The following RAB38 variants were observed in gnomAD, a reference collection of about 807,000 sequenced individuals.
RAB38 encodes the protein ras-related protein Rab-38.
A neutral mutation model predicts 18.4 loss-of-function variants in RAB38; 15 were observed. The observed-to-expected ratio is 0.82, with a 90% confidence interval of 0.55 to 1.26. The LOEUF is 1.26. Among genes scored for constraint, RAB38 ranks in the 50% most tolerant of loss-of-function variants. The probability of loss-of-function intolerance (pLI) is 0.00; values close to 1 mark genes in which losing one functional copy is unlikely to be tolerated. For synonymous variants in RAB38, 101 were observed against 104.4 expected (o/e 0.97, Z 0.20); for missense variants, 294 against 267.4 (o/e 1.10, Z -0.69).
the RAB38 span, among the ~76,000 whole-genome samples, chr11:87,925,723 G>T: frequency 2.0e-5 from 3 of 151,992 alleles, no homozygotes; most frequent in Non-Finnish European, 4.4e-5. Context: ...ATAGAAGGCA[G>T]ATGACTGCAA....
At chr11:88,130,138 G>A (rs1942749088) in intron 2 of RAB38, among the ~76,000 whole-genome samples, 2 of 152,092 alleles carry the variant, frequency 1.3e-5, no homozygotes, top group African/African-American at 4.8e-5. Context: ...AAAATTGAGT[G>A]TGGAAAAAAA....
chr11:87,808,580 A>G, the RAB38 span, among the ~76,000 whole-genome samples: 1 of 152,326 alleles, frequency 6.6e-6, no homozygotes, highest in South Asian at 2.1e-4. Flanking sequence ...TTACTCAAAG[A>G]TTACAAAATT....
At chr11:87,888,083 T>C in the RAB38 span, among the ~76,000 whole-genome samples, 95,828 of 151,626 alleles carry the variant, frequency 0.63, 32,891 homozygotes, top group Non-Finnish European at 0.77. Flanking sequence ...TTGATCTTAC[T>C]ATGTACCAAA....
At chr11:88,154,621 A>T (rs1943103168) in intron 1 of RAB38, among the ~76,000 whole-genome samples, 1 of 152,114 alleles carries the variant, frequency 6.6e-6, no homozygotes, top group Admixed American at 6.5e-5. Flanking sequence ...CCTGTGACAG[A>T]CATAGATCGT....
At chr11:87,817,687 G>T in the RAB38 span, 1 of 152,018 alleles carries the variant, frequency 6.6e-6, no homozygotes, top group Admixed American at 6.6e-5. Flanking sequence ...TTATTTTTAT[G>T]CAAAATAGAG....
chr11:88,139,712 C>T (rs956564644), intron 2 of RAB38, among the ~76,000 whole-genome samples: 2 of 152,122 alleles, frequency 1.3e-5, no homozygotes, highest in African/African-American at 4.8e-5. Context: ...TATTCTAAGC[C>T]CCTCTAGACT....
At chr11:88,124,791 C>G (rs1003166140) in intron 2 of RAB38, among the ~76,000 whole-genome samples, 2 of 152,182 alleles carry the variant, frequency 1.3e-5, no homozygotes, top group Non-Finnish European at 1.5e-5. Flanking sequence ...AGAGGAGATA[C>G]ATCAATTTGA....
chr11:88,173,627 C>T (rs1380495019), intron 1 of RAB38: 13 of 985,254 alleles, frequency 1.3e-5, no homozygotes, highest in African/African-American at 8.7e-5. Context: ...AACAGTAAGC[C>T]GTTTCTAAAT....
chr11:88,005,183 G>A, the RAB38 span, among the ~76,000 whole-genome samples: 4 of 151,188 alleles, frequency 2.6e-5, no homozygotes, highest in Non-Finnish European at 5.9e-5. Flanking sequence ...ATAACAAAAC[G>A]TTCTTGGAAA....
At chr11:87,840,150 GA>G in the RAB38 span, among the ~76,000 whole-genome samples, 1 of 152,180 alleles carries the variant, frequency 6.6e-6, no homozygotes, top group Non-Finnish European at 1.5e-5. Flanking sequence ...AAAAAGAAGA[GA>G]GGGAAGAGAA....
chr11:87,852,727 C>T, the RAB38 span, among the ~76,000 whole-genome samples: 3 of 152,244 alleles, frequency 2.0e-5, no homozygotes, highest in Non-Finnish European at 2.9e-5. Flanking sequence ...GTTTACATAT[C>T]GAGACAGTAA....
chr11:87,869,450 G>C, the RAB38 span, among the ~76,000 whole-genome samples: 1 of 151,578 alleles, frequency 6.6e-6, no homozygotes, highest in Admixed American at 6.6e-5. Flanking sequence ...TTACTGCTCT[G>C]CTTACTCTAC....
the RAB38 span, among the ~76,000 whole-genome samples, chr11:87,842,816 G>GCACACACA: frequency 6.8e-6 from 1 of 147,350 alleles, no homozygotes; most frequent in African/African-American, 2.5e-5. Context: ...ACACGCGCGC[G>GCACACACA]CACACACACA....
Position 88,142,814 on chromosome 11 carries a change from G to A in RAB38, c.483+6861C>T, listed in dbSNP as rs926927450. On this transcript the variant is annotated intron_variant, in intron 2 of 2. Coordinates refer to ENST00000243662, the MANE Select transcript of RAB38 (RefSeq NM_022337.3). ...GAAAAAGATAGGTAGTTCTGACAAC[G>A]GCTAGACGAAAAGTATATGTGAGAA... Among the ~76,000 whole-genome samples the A allele has an allele frequency of 3.3e-5, 5 of 152,138 alleles. No individual in the cohort carries two copies. In the East Asian group the frequency reaches 5.8e-4, roughly 18 times the overall value.
At chr11:87,928,207 TTAACTATTAG>T in the RAB38 span, among the ~76,000 whole-genome samples, 1 of 152,088 alleles carries the variant, frequency 6.6e-6, no homozygotes, top group Non-Finnish European at 1.5e-5. Flanking sequence ...TCAATAACTT[TTAACTATTAG>T]TAGTATTTTC....
chr11:88,037,377 A>G, the RAB38 span, among the ~76,000 whole-genome samples: 10 of 152,066 alleles, frequency 6.6e-5, no homozygotes, highest in African/African-American at 2.2e-4. Flanking sequence ...TTCATTTGGT[A>G]GTTTTACCCA....
the RAB38 span, among the ~76,000 whole-genome samples, chr11:87,881,930 G>A: frequency 6.6e-6 from 1 of 151,792 alleles, no homozygotes; most frequent in Non-Finnish European, 1.5e-5. Flanking sequence ...AGAGAGTCCT[G>A]TATTCAGTAG....
chr11:88,171,991 A>T (rs1943316444), intron 1 of RAB38, among the ~76,000 whole-genome samples: 1 of 152,218 alleles, frequency 6.6e-6, no homozygotes, highest in South Asian at 2.1e-4. Context: ...TCCAGTTAGA[A>T]AGGAGAAGGT....
At chr11:88,142,226 C>A (rs1591166805) in intron 2 of RAB38, among the ~76,000 whole-genome samples, 2 of 152,178 alleles carry the variant, frequency 1.3e-5, no homozygotes, top group East Asian at 3.9e-4. Context: ...AGCTAGGGGT[C>A]AGAATCATGA....
Sources: allele counts gnomAD v4.1 joint callset (sites outside exome capture counted in the v4.1 genomes callset), GRCh38; gene constraint gnomAD v4.1.1; transcripts MANE v1.5; gene names NCBI Gene and HGNC (gene_info 2026-07-23, HGNC 2026-07-21).